Variants in SLC22A9 observed in about 807,000 individuals in gnomAD.
SLC22A9 encodes the protein organic anion transporter 7.
In SLC22A9, 64 loss-of-function variants were observed where a neutral mutation model predicts 50.1. The ratio of observed to expected loss-of-function variants is 1.28; its 90% CI spans 1.04 to 1.57. The LOEUF (loss-of-function observed/expected upper bound fraction) is 1.57. SLC22A9 is among the 40% of genes most tolerant of loss of function. The pLI, the probability that SLC22A9 is intolerant of heterozygous loss-of-function variation, is 0.00. For synonymous variants in SLC22A9, 261 were observed against 242.5 expected (o/e 1.08, Z -0.71); for missense variants, 757 against 676.1 (o/e 1.12, Z -1.33).
In SLC22A9 at chr11:63,408,231, T is replaced by C. The variant is rs372046976; in HGVS notation, c.1397+11T>C. The C allele has an allele frequency of 2.5e-6, 4 of 1,603,858 alleles. No homozygotes were observed. In the South Asian group the frequency reaches 4.4e-5, roughly 18 times the overall value. ...TCCCACCATAATCAGGTACAGAACC[T>C]TAAGTATGCCCTGTCAGGTTCAAAA... On this transcript the variant is annotated intron_variant, in intron 8 of 9. Coordinates refer to ENST00000279178, the MANE Select transcript of SLC22A9 (RefSeq NM_080866.3).
At chr11:63,409,023 G>C (rs1301660946) in intron 9 of SLC22A9, 144 bp downstream of exon 9, 3 of 859,428 alleles carry the variant, frequency 3.5e-6, no homozygotes, top group Non-Finnish European at 5.7e-6. Context: ...TTAGGTCTAG[G>C]TACAGCCACA....
chr11:63,404,192 A>G (rs995457309), intron 6 of SLC22A9, among the ~76,000 whole-genome samples: 16 of 152,162 alleles, frequency 1.1e-4, no homozygotes, highest in Admixed American at 6.6e-4. Flanking sequence ...CATACCCAAC[A>G]TGTATGAACC....
intron 5 of SLC22A9, among the ~76,000 whole-genome samples, chr11:63,379,293 G>C (rs942862481): frequency 3.3e-5 from 5 of 152,074 alleles, no homozygotes; most frequent in African/African-American, 1.2e-4. Flanking sequence ...TCAGTCAATG[G>C]TGTGATAACT....
chr11:63,373,209 A>G (rs1193982846), intron 2 of SLC22A9, among the ~76,000 whole-genome samples: 1 of 148,522 alleles, frequency 6.7e-6, no homozygotes, highest in Non-Finnish European at 1.5e-5. Flanking sequence ...CTTTCACATC[A>G]GTATACCCAT....
Position 63,370,190 on chromosome 11 carries a change from C to T in SLC22A9, c.134C>T (p.Pro45Leu), listed in dbSNP as rs369843165. ...CTGGAGAACTTCACTGCATTCATAC[C>T]TGGCCATCGCTGCTGGGTCCACATC... ...FMLENFTAFI[P>L]GHRCWVHILD... Residue 45 changes from proline (P) to leucine (L), a missense_variant, in exon 1 of 10, where the codon CCT becomes CTT. Pro to Leu is a moderately conservative substitution (Grantham distance 98, BLOSUM62 -3). Transcript: ENST00000279178. The T allele has an allele frequency of 1.1e-5, 17 of 1,613,958 alleles. No individual in the cohort carries two copies. The highest frequency in any genetic ancestry group is 1.4e-5 in the Non-Finnish European group (16 of 1,179,946).
chr11:63,370,251 G>C lies in SLC22A9; in HGVS notation c.195G>C (p.Gly65=), dbSNP rs772501193. Residue 65 remains glycine, a synonymous_variant, in exon 1 of 10, where the codon GGG becomes GGC. Transcript: ENST00000279178. ...DNDTVSDNDT[G]ALSQDALLRI... ...ACACTGTCTCTGACAATGACACTGG[G>C]GCCCTCAGCCAAGATGCACTCTTGA... is the stretch of plus-strand genomic sequence containing the variant. 1 of 1,613,984 alleles carries C rather than the reference G, an allele frequency of 6.2e-7. No homozygotes were observed. The highest frequency in any genetic ancestry group is 1.1e-5 in the South Asian group (1 of 91,070).
chr11:63,382,540 T>C (rs773113681), intron 6 of SLC22A9, among the ~76,000 whole-genome samples: 1 of 152,204 alleles, frequency 6.6e-6, no homozygotes, highest in Non-Finnish European at 1.5e-5. Context: ...AATTACAGTA[T>C]ATGCTTTGGC....
Position 63,372,176 on chromosome 11 carries a change from T to C in SLC22A9, c.506+938T>C, listed in dbSNP as rs75324288. 2.4e-4 allele frequency among the ~76,000 whole-genome samples: 37 copies of C among 152,220 alleles called. No individual in the cohort carries two copies. The East Asian group carries it at 7.1e-3, about 29-fold the overall frequency. ...CAGGAGATGACAGTGGAGAATCAGC[T>C]AAAGACGAAGGGACAAGATAACCTA... is the stretch of plus-strand genomic sequence containing the variant. On this transcript the variant is annotated intron_variant, in intron 2 of 9. Coordinates refer to ENST00000279178, the MANE Select transcript of SLC22A9 (RefSeq NM_080866.3).
chr11:63,385,767 G>A (rs560521681), intron 6 of SLC22A9, among the ~76,000 whole-genome samples: 3 of 151,714 alleles, frequency 2.0e-5, no homozygotes, highest in Admixed American at 6.6e-5. Flanking sequence ...CCTCTCTTCC[G>A]ATTCAAATAC....
chr11:63,373,708 G>C lies in SLC22A9; in HGVS notation c.571G>C (p.Ala191Pro), dbSNP rs180967669. 2.1e-5 allele frequency: 34 copies of C among 1,613,038 alleles called. No homozygotes were observed. Among genetic ancestry groups the C allele is most frequent in the Non-Finnish European group, 8.5e-7 (1 of 1,179,508 alleles). The stretch of plus-strand genomic sequence containing the variant: ...GGTTGCCATTGTTGGCACCTGTGCA[G>C]CCTTGGCTCCCACCTTCCTCATTTA... ...LQVAIVGTCA[A>P]LAPTFLIYCS... Residue 191 changes from alanine (A) to proline (P), a missense_variant, in exon 3 of 10, where the codon GCC (alanine) becomes CCC (proline). Coordinates refer to ENST00000279178, the MANE Select transcript of SLC22A9 (RefSeq NM_080866.3).
At chr11:63,408,265 T>C in intron 8 of SLC22A9, 45 bp downstream of exon 8, 1 of 1,448,320 alleles carries the variant, frequency 6.9e-7, no homozygotes. Flanking sequence ...AATGGACCTT[T>C]CTCAGATAAT....
intron 6 of SLC22A9, among the ~76,000 whole-genome samples, chr11:63,394,998 T>C (rs577662260): frequency 6.6e-6 from 1 of 152,100 alleles, no homozygotes; most frequent in Admixed American, 6.5e-5. Context: ...CTTCGAGCTC[T>C]GAATTTCTTT....
At chr11:63,385,029 T>C (rs2014636758) in intron 6 of SLC22A9, among the ~76,000 whole-genome samples, 1 of 146,650 alleles carries the variant, frequency 6.8e-6, no homozygotes, top group African/African-American at 2.6e-5. Flanking sequence ...ATAGACTGGA[T>C]ATTACATCTT....
intron 4 of SLC22A9, among the ~76,000 whole-genome samples, chr11:63,375,126 G>T (rs1371957808): frequency 6.6e-6 from 1 of 152,108 alleles, no homozygotes; most frequent in Non-Finnish European, 1.5e-5. Flanking sequence ...GCCCTACAAG[G>T]TAATATTCTC....
chr11:63,386,082 G>A (rs1016179060), intron 6 of SLC22A9, among the ~76,000 whole-genome samples: 4 of 151,908 alleles, frequency 2.6e-5, no homozygotes, highest in Admixed American at 2.0e-4. Flanking sequence ...CTGTTTATGT[G>A]ATAAATTACA....
intron 6 of SLC22A9, among the ~76,000 whole-genome samples, chr11:63,396,624 A>G (rs1198470675): frequency 6.6e-6 from 1 of 152,184 alleles, no homozygotes; most frequent in East Asian, 1.9e-4. Flanking sequence ...TTGTTTCTGC[A>G]GTCATTCTGG....
intron 6 of SLC22A9, among the ~76,000 whole-genome samples, chr11:63,394,950 T>C (rs1160093912): frequency 6.6e-6 from 1 of 151,988 alleles, no homozygotes; most frequent in Non-Finnish European, 1.5e-5. Flanking sequence ...TATTTATTTT[T>C]TTGTCTTTGT....
chr11:63,383,735 T>G (rs1199625100), intron 6 of SLC22A9, among the ~76,000 whole-genome samples: 1 of 152,034 alleles, frequency 6.6e-6, no homozygotes, highest in Non-Finnish European at 1.5e-5. Flanking sequence ...ACCATAACAA[T>G]GCACACATAA....
At chr11:63,409,658 T>G in intron 9 of SLC22A9, 144 bp from the exon 10 acceptor site, 1 of 750,526 alleles carries the variant, frequency 1.3e-6, no homozygotes, top group Non-Finnish European at 2.1e-6. Flanking sequence ...CAAGGTTTAC[T>G]CAATCCCTTG....
Sources: allele counts gnomAD v4.1 joint callset (sites outside exome capture counted in the v4.1 genomes callset), GRCh38; gene constraint gnomAD v4.1.1; transcripts MANE v1.5; gene names NCBI Gene and HGNC (gene_info 2026-07-23, HGNC 2026-07-21).